ATXN3: variants seen among roughly 807,000 people sequenced by gnomAD.
ATXN3 encodes the protein ataxin-3.
A neutral mutation model predicts 58.2 loss-of-function variants in ATXN3; 28 were observed. That is an observed-to-expected ratio of 0.48 (90% CI 0.36 to 0.66). The LOEUF (loss-of-function observed/expected upper bound fraction) is 0.66, where lower values mean the gene tolerates loss of function less well. Ranked by LOEUF, ATXN3 falls within the 30% of genes least tolerant of loss-of-function variation. ATXN3 has a pLI of 0.00. For synonymous variants in ATXN3, 113 were observed against 138.5 expected, an observed-to-expected ratio of 0.82 and a Z score of 1.29; for missense variants, 321 against 422.1, an observed-to-expected ratio of 0.76 and a Z score of 2.10.
intron 10 of ATXN3, among the ~76,000 whole-genome samples, chr14:92,066,481 G>A (rs953935119): frequency 1.3e-5 from 2 of 151,594 alleles, no homozygotes; most frequent in African/African-American, 2.4e-5. Context: ...TTTCTGTTTA[G>A]AGAAATTCCT....
exon 2 of ATXN3, chr14:92,047,913 A>G (rs1021873391): frequency 1.3e-5 from 2 of 152,278 alleles, no homozygotes; most frequent in Non-Finnish European, 2.9e-5. Context: ...TGTAAGAGTT[A>G]TCCAAAGCTC....
intron 1 of ATXN3, among the ~76,000 whole-genome samples, chr14:92,105,268 T>C (rs2067999555): frequency 6.6e-6 from 1 of 151,990 alleles, no homozygotes; most frequent in African/African-American, 2.4e-5. Flanking sequence ...CCAAAAACAT[T>C]ACCTGGCCCT....
At chr14:92,083,591 A>G in intron 6 of ATXN3, 1 of 402,926 alleles carries the variant, frequency 2.5e-6, no homozygotes, top group South Asian at 2.0e-5. Context: ...CAGAGTGGGT[A>G]ACAGCAACTG....
At chr14:92,086,628 G>A (rs1047087283) in intron 6 of ATXN3, among the ~76,000 whole-genome samples, 5 of 151,850 alleles carry the variant, frequency 3.3e-5, no homozygotes, top group Non-Finnish European at 7.4e-5. Flanking sequence ...AGCTACTCGG[G>A]AGGTTGAGGC....
intron 10 of ATXN3, among the ~76,000 whole-genome samples, chr14:92,067,920 G>A (rs1302421041): frequency 6.6e-6 from 1 of 152,098 alleles, no homozygotes; most frequent in East Asian, 1.9e-4. Flanking sequence ...AACGCACATG[G>A]GAGTTCTAGC....
intron 6 of ATXN3, among the ~76,000 whole-genome samples, chr14:92,085,601 G>A (rs1004323249): frequency 2.6e-5 from 4 of 152,108 alleles, no homozygotes; most frequent in African/African-American, 4.8e-5. Context: ...CTGCTCTGTC[G>A]GTATAATATA....
Position 92,079,273 on chromosome 14 carries a change from CT to C in ATXN3, c.872+1691del, listed in dbSNP as rs149656376. 403 of 211,010 alleles carry C rather than the reference CT, an allele frequency of 1.9e-3. 4 individuals are homozygous for C. Among genetic ancestry groups the C allele is most frequent in the East Asian group, 0.012 (62 of 5,246 alleles). The allele number at this position is 211,010 out of a possible 1,614,324, so 13.1% of individuals were successfully genotyped here. On this transcript the variant is annotated intron_variant, in intron 9 of 10. Coordinates refer to ENST00000644486, the MANE Select transcript of ATXN3 (RefSeq NM_004993.6). ...AAACAGGAGTATGCTAGTTTTTCTA[CT>C]TTTGTATAAATTTGGAGTTTATTAT...
intron 1 of ATXN3, among the ~76,000 whole-genome samples, chr14:92,102,483 C>G (rs1399749438): frequency 6.6e-6 from 1 of 152,142 alleles, no homozygotes; most frequent in Non-Finnish European, 1.5e-5. Flanking sequence ...GAAACTAGTT[C>G]AAATTACCAG....
rs2057542072 is a variant in ATXN3 at position 92,058,785 on chromosome 14, C to T, written c.*5535G>A. Reference sequence around the variant, plus strand: ...GAGCAAGCGGCACTGCCACAGTGCACTTGTATCATGGCCAAACAACAATGC... The same window carrying T: ...GAGCAAGCGGCACTGCCACAGTGCATTTGTATCATGGCCAAACAACAATGC... On this transcript the variant is annotated 3_prime_UTR_variant, in exon 11 of 11. Transcript: ENST00000644486. The T allele has an allele frequency of 6.6e-6, 1 of 152,088 alleles. No individual in the cohort carries two copies. The highest frequency in any genetic ancestry group is 2.4e-5 in the African/African-American group (1 of 41,404). 9.4% of individuals were successfully genotyped at this position (152,088 alleles called of 1,614,324 possible). A position where few individuals can be genotyped will look rare whatever the true frequency, so the allele number is the denominator to read the frequency against.
At chr14:92,074,276 G>A (rs1010497866) in intron 9 of ATXN3, among the ~76,000 whole-genome samples, 5 of 151,020 alleles carry the variant, frequency 3.3e-5, no homozygotes, top group African/African-American at 9.8e-5. Context: ...GCAGTGAGCC[G>A]AGATCACACT....
At chr14:92,093,648 C>A in intron 4 of ATXN3, 98 bp downstream of exon 4, 1 of 984,220 alleles carries the variant, frequency 1.0e-6, no homozygotes, top group East Asian at 2.5e-5. Context: ...AACATCAAAA[C>A]AAAAGTATTC....
chr14:92,071,109 C>T, intron 9 of ATXN3, 56 bp from the exon 10 acceptor site: 1 of 1,528,362 alleles, frequency 6.5e-7, no homozygotes, highest in Non-Finnish European at 8.8e-7. Context: ...AGAATAAATA[C>T]ACCATGAGAA....
At chr14:92,058,279 C>A (rs2057507272), downstream of ATXN3, 1 of 152,216 alleles carries the variant, frequency 6.6e-6, no homozygotes, top group Non-Finnish European at 1.5e-5. Flanking sequence ...TTCAGTAGGT[C>A]CGAGTGTAGC....
intron 4 of ATXN3, 43 bp from the exon 5 acceptor site, chr14:92,093,361 C>A: frequency 1.0e-6 from 1 of 987,246 alleles, no homozygotes; most frequent in Non-Finnish European, 1.5e-6. Context: ...ATATTGAATT[C>A]ATATTTATGT....
At chr14:92,102,312 A>T (rs961897346) in intron 1 of ATXN3, among the ~76,000 whole-genome samples, 4 of 152,244 alleles carry the variant, frequency 2.6e-5, no homozygotes, top group African/African-American at 7.2e-5. Context: ...AAAACAAAAA[A>T]AAAAATAAAA....
At chr14:92,069,191 G>T (rs1440257586) in intron 10 of ATXN3, among the ~76,000 whole-genome samples, 1 of 149,808 alleles carries the variant, frequency 6.7e-6, no homozygotes, top group African/African-American at 2.5e-5. Context: ...TGATTCTCCT[G>T]CCTCAGCCTC....
chr14:92,058,659 C>T lies in ATXN3; in HGVS notation c.*5661G>A, dbSNP rs1276117263. On this transcript the variant is annotated 3_prime_UTR_variant, in exon 11 of 11. Transcript: ENST00000644486. The stretch of plus-strand genomic sequence containing the variant: ...CCTGTGTTCAACAGTGCTTTGGAAG[C>T]CCGGCTTTTCTAACGACCAGACAGG... 1 of 152,164 alleles carries T rather than the reference C, an allele frequency of 6.6e-6. No individual in the cohort carries two copies. Among genetic ancestry groups the T allele is most frequent in the East Asian group, 1.9e-4 (1 of 5,202 alleles). The allele number at this position is 152,164 out of a possible 1,614,324, so 9.4% of individuals were successfully genotyped here.
At chr14:92,089,488 G>A (rs1419045138) in intron 5 of ATXN3, among the ~76,000 whole-genome samples, 2 of 151,354 alleles carry the variant, frequency 1.3e-5, no homozygotes, top group African/African-American at 4.9e-5. Context: ...ACAGGCGCAC[G>A]CCGCCACACC....
chr14:92,104,733 G>A (rs1471255681), intron 1 of ATXN3, among the ~76,000 whole-genome samples: 2 of 151,704 alleles, frequency 1.3e-5, no homozygotes, highest in African/African-American at 4.8e-5. Context: ...GACCAGCCTG[G>A]CCAACATGGT....
Sources: gnomAD v4.1 joint callset for allele counts (sites outside exome capture counted in the v4.1 genomes callset) on GRCh38, gnomAD v4.1.1 for gene constraint, MANE v1.5 for transcripts, NCBI Gene and HGNC (gene_info 2026-07-23, HGNC 2026-07-21) for gene names.